Variants in THRB observed in about 807,000 individuals in gnomAD.
THRB encodes the protein thyroid hormone receptor beta, also known as nuclear receptor subfamily 1 group A member 2.
In THRB, 12 loss-of-function variants were observed where a neutral mutation model predicts 47.8. The ratio of observed to expected loss-of-function variants is 0.25; its 90% confidence interval spans 0.16 to 0.41. The LOEUF is 0.41. Among genes scored for constraint, THRB ranks in the 10% least tolerant of loss-of-function variants. The pLI is 1.00. For synonymous variants in THRB, 218 were observed against 212.2 expected, an observed-to-expected ratio of 1.03 and a Z score of -0.24; for missense variants, 348 against 589.2, an observed-to-expected ratio of 0.59 and a Z score of 4.24.
intron 2 of THRB, among the ~76,000 whole-genome samples, chr3:24,301,092 T>A (rs77530188): frequency 0.02 from 3,007 of 152,212 alleles, 103 homozygotes; most frequent in African/African-American, 0.068. Context: ...GAATTACACA[T>A]TCATAAATCA....
At chr3:24,473,244 A>G (rs889730022) in intron 1 of THRB, among the ~76,000 whole-genome samples, 8 of 152,242 alleles carry the variant, frequency 5.3e-5, no homozygotes, top group East Asian at 1.9e-4. Context: ...TGGCATATCA[A>G]TTTTTAAAAT....
intron 4 of THRB, among the ~76,000 whole-genome samples, chr3:24,199,463 GCTT>G (rs1228229959): frequency 6.6e-6 from 1 of 152,152 alleles, no homozygotes; most frequent in African/African-American, 2.4e-5. Context: ...ATCACAGAGT[GCTT>G]CTCCTATTTC....
chr3:24,225,247 G>A (rs1409154234), intron 4 of THRB, among the ~76,000 whole-genome samples: 4 of 152,180 alleles, frequency 2.6e-5, no homozygotes, highest in African/African-American at 9.7e-5. Context: ...ATCACATGGT[G>A]GGAAATTTTG....
Position 24,290,361 on chromosome 3 carries a change from C to T in THRB, c.-43+6865G>A, listed in dbSNP as rs755753419. On this transcript the variant is annotated intron_variant, in intron 3 of 10. Transcript: ENST00000646209. ...TGCAAACAACGGAGAGGCACCAGGC[C>T]GAGACCCTCTTTGGGCCTATCTGAA... Among the ~76,000 whole-genome samples, 238 of 152,258 alleles carry T rather than the reference C, an allele frequency of 1.6e-3. 2 individuals are homozygous for T. The highest frequency in any genetic ancestry group is 4.8e-3 in the African/African-American group (198 of 41,568).
intron 3 of THRB, among the ~76,000 whole-genome samples, chr3:24,248,738 C>T (rs751053854): frequency 3.3e-5 from 5 of 152,178 alleles, no homozygotes; most frequent in Non-Finnish European, 5.9e-5. Flanking sequence ...CCCTTTGCGT[C>T]CCTCAGAGGT....
At chr3:24,202,701 C>T (rs2044738028) in intron 4 of THRB, among the ~76,000 whole-genome samples, 1 of 152,196 alleles carries the variant, frequency 6.6e-6, no homozygotes, top group Admixed American at 6.5e-5. Flanking sequence ...TGTGCCATTT[C>T]ATTTACTGTT....
chr3:24,201,285 CCTGCTTGATCTCTA>C (rs1249477345), intron 4 of THRB, among the ~76,000 whole-genome samples: 3 of 152,142 alleles, frequency 2.0e-5, no homozygotes, highest in East Asian at 1.9e-4. Flanking sequence ...TTCCTGTAGG[CCTGCTTGATCTCTA>C]CTGCTTGATC....
At chr3:24,432,601 C>T (rs4358250) in intron 1 of THRB, among the ~76,000 whole-genome samples, 139,000 of 152,234 alleles carry the variant, frequency 0.91, 63,999 homozygotes, top group Non-Finnish European at 0.97. Flanking sequence ...TGAAAATCCA[C>T]TTCACACGAA....
chr3:24,414,976 A>G (rs549622475), intron 1 of THRB, among the ~76,000 whole-genome samples: 23 of 151,982 alleles, frequency 1.5e-4, no homozygotes, highest in Admixed American at 1.4e-3. Flanking sequence ...TTGGTGGGCA[A>G]GTTTCCACCG....
At chr3:24,261,667 C>A (rs1455467251) in intron 3 of THRB, among the ~76,000 whole-genome samples, 1 of 152,002 alleles carries the variant, frequency 6.6e-6, no homozygotes, top group Non-Finnish European at 1.5e-5. Context: ...AGACTTAGTT[C>A]TCTCCCCACT....
Position 24,119,957 on chromosome 3 carries a change from T to C in THRB, c.*2927A>G, listed in dbSNP as rs926862468. Reference sequence around the variant, plus strand: ...TAAATACAAATCCCAGCATAATGGGTGTGTTCTCCTCTACTGAGACGTCTC... The same window carrying C: ...TAAATACAAATCCCAGCATAATGGGCGTGTTCTCCTCTACTGAGACGTCTC... On this transcript the variant is annotated 3_prime_UTR_variant, in exon 11 of 11. Transcript: ENST00000646209. 6.6e-6 allele frequency: 1 copy of C among 151,846 alleles called. No individual in the cohort carries two copies. The highest frequency in any genetic ancestry group is 2.4e-5 in the African/African-American group (1 of 41,300). 9.4% of individuals were successfully genotyped at this position (151,846 alleles called of 1,614,324 possible). A position where few individuals can be genotyped will look rare whatever the true frequency, so the allele number is the denominator to read the frequency against.
At chr3:24,445,042 T>C (rs184618737) in intron 1 of THRB, among the ~76,000 whole-genome samples, 1 of 152,210 alleles carries the variant, frequency 6.6e-6, no homozygotes, top group African/African-American at 2.4e-5. Flanking sequence ...ATATATAAAC[T>C]ATAATATGGT....
chr3:24,183,082 T>G (rs1383149630), intron 5 of THRB, among the ~76,000 whole-genome samples: 1 of 152,186 alleles, frequency 6.6e-6, no homozygotes, highest in African/African-American at 2.4e-5. Flanking sequence ...AAAAATACTT[T>G]GGTTGTTGCT....
In THRB at chr3:24,120,462, A is replaced by G. The variant is rs2031482762; in HGVS notation, c.*2422T>C. On this transcript the variant is annotated 3_prime_UTR_variant, in exon 11 of 11. Coordinates refer to ENST00000646209, the MANE Select transcript of THRB (RefSeq NM_001354712.2). Reference sequence around the variant, plus strand: ...GATCAGGCTCTGAACTTATATTCAAATCTGGGTGTCTGATGTACTGAGGAC... The same window carrying G: ...GATCAGGCTCTGAACTTATATTCAAGTCTGGGTGTCTGATGTACTGAGGAC... The G allele has an allele frequency of 6.6e-6, 1 of 152,204 alleles. No homozygotes were observed. Among genetic ancestry groups the G allele is most frequent in the African/African-American group, 2.4e-5 (1 of 41,446 alleles). 9.4% of individuals were successfully genotyped at this position (152,204 alleles called of 1,614,324 possible).
At chr3:24,320,819 T>C (rs1227404898) in intron 2 of THRB, among the ~76,000 whole-genome samples, 1 of 152,152 alleles carries the variant, frequency 6.6e-6, no homozygotes, top group African/African-American at 2.4e-5. Flanking sequence ...TTTGCAATCT[T>C]GGACTTGAGG....
intron 4 of THRB, among the ~76,000 whole-genome samples, chr3:24,206,347 T>C (rs1214320558): frequency 6.6e-6 from 1 of 152,080 alleles, no homozygotes; most frequent in Non-Finnish European, 1.5e-5. Context: ...ATTAAGAAAC[T>C]CACTCAAAAC....
chr3:24,260,220 GT>G (rs1559759400), intron 3 of THRB, among the ~76,000 whole-genome samples: 1 of 152,076 alleles, frequency 6.6e-6, no homozygotes, highest in Non-Finnish European at 1.5e-5. Flanking sequence ...ATGAAGAAAT[GT>G]TTTTTTCTGG....
At chr3:24,291,439 G>A (rs2055907876) in intron 3 of THRB, among the ~76,000 whole-genome samples, 1 of 152,124 alleles carries the variant, frequency 6.6e-6, no homozygotes, top group African/African-American at 2.4e-5. Flanking sequence ...TGGAGGACTG[G>A]TTCTAGGACC....
At chr3:24,182,891 C>A (rs1276195117) in intron 5 of THRB, among the ~76,000 whole-genome samples, 1 of 152,200 alleles carries the variant, frequency 6.6e-6, no homozygotes, top group African/African-American at 2.4e-5. Context: ...ATTTCCTCTG[C>A]AGTTTCAAAT....
Sources: gnomAD v4.1 joint callset for allele counts (sites outside exome capture counted in the v4.1 genomes callset) on GRCh38, gnomAD v4.1.1 for gene constraint, MANE v1.5 for transcripts, NCBI Gene and HGNC (gene_info 2026-07-23, HGNC 2026-07-21) for gene names.